The following GALNT17 variants were observed in gnomAD, a reference collection of about 807,000 sequenced individuals.
GALNT17 encodes polypeptide N-acetylgalactosaminyltransferase 17, also known as UDP-GalNAc:polypeptide N-acetylgalactosaminyltransferase-like 3.
A neutral mutation model predicts 63.7 loss-of-function variants in GALNT17; 29 were observed. That is an observed-to-expected ratio of 0.46 (90% CI 0.34 to 0.62). The LOEUF (loss-of-function observed/expected upper bound fraction) is 0.62, where lower values mean the gene tolerates loss of function less well. GALNT17 is among the 20% of genes least tolerant of loss of function. The probability of loss-of-function intolerance (pLI) is 0.01; values close to 1 mark genes in which losing one functional copy is unlikely to be tolerated. For missense variants in GALNT17, 603 were observed against 799.6 expected (o/e 0.75, Z 2.97); for synonymous variants, 305 against 318.3 (o/e 0.96, Z 0.45).
intron 5 of GALNT17, among the ~76,000 whole-genome samples, chr7:71,521,656 C>CA (rs2116753022): frequency 6.6e-6 from 1 of 152,274 alleles, no homozygotes; most frequent in African/African-American, 2.4e-5. Flanking sequence ...CTGGCCTTCT[C>CA]ACGCCCAGGC....
At chr7:71,318,221 G>C (rs1048356757) in intron 1 of GALNT17, among the ~76,000 whole-genome samples, 2 of 152,098 alleles carry the variant, frequency 1.3e-5, no homozygotes, top group African/African-American at 4.8e-5. Context: ...TTTTCAATCA[G>C]GCAGTGGGAC....
At chr7:71,448,955 G>A (rs1212975136) in intron 5 of GALNT17, among the ~76,000 whole-genome samples, 2 of 151,966 alleles carry the variant, frequency 1.3e-5, no homozygotes, top group Non-Finnish European at 2.9e-5. Context: ...TAGGACACTG[G>A]TTATCTTCTA....
chr7:71,655,186 T>C (rs1359443532), intron 6 of GALNT17, among the ~76,000 whole-genome samples: 1 of 152,026 alleles, frequency 6.6e-6, no homozygotes, highest in Non-Finnish European at 1.5e-5. Context: ...GCCCAGGAGT[T>C]TGAGGTTACC....
chr7:71,176,996 G>A (rs112169681), intron 1 of GALNT17, among the ~76,000 whole-genome samples: 1,528 of 152,300 alleles, frequency 0.01, 19 homozygotes, highest in Non-Finnish European at 0.014. Context: ...AGCTGTGAAT[G>A]TAGTTACTAA....
At chr7:71,611,494 C>T (rs144020201) in intron 6 of GALNT17, among the ~76,000 whole-genome samples, 118 of 152,264 alleles carry the variant, frequency 7.7e-4, no homozygotes, top group African/African-American at 2.7e-3. Flanking sequence ...ATAGCTTATA[C>T]GCTTCTGTGC....
chr7:71,281,594 C>T (rs1168869503), intron 1 of GALNT17, among the ~76,000 whole-genome samples: 21 of 152,186 alleles, frequency 1.4e-4, no homozygotes, highest in Non-Finnish European at 2.9e-5. Context: ...TGTAGAAAGG[C>T]ATCATCCCTT....
chr7:71,463,477 C>T (rs1583976448), intron 5 of GALNT17, among the ~76,000 whole-genome samples: 1 of 152,090 alleles, frequency 6.6e-6, no homozygotes, highest in Non-Finnish European at 1.5e-5. Flanking sequence ...GTTCTTGGAT[C>T]TCACGCAAGA....
chr7:71,471,929 A>ATT (rs11300315), intron 5 of GALNT17, among the ~76,000 whole-genome samples: 37 of 137,608 alleles, frequency 2.7e-4, no homozygotes, highest in Admixed American at 5.2e-4. Context: ...TCTGTGTCTC[A>ATT]TTTTTTTTTT....
intron 9 of GALNT17, among the ~76,000 whole-genome samples, chr7:71,677,748 C>A (rs760146118): frequency 6.6e-6 from 1 of 152,022 alleles, no homozygotes; most frequent in African/African-American, 2.4e-5. Context: ...ATCTCCTGAC[C>A]TTGTGATCCG....
intron 5 of GALNT17, among the ~76,000 whole-genome samples, chr7:71,451,110 GTGA>G (rs1787254430): frequency 6.6e-6 from 1 of 151,978 alleles, no homozygotes; most frequent in African/African-American, 2.4e-5. Flanking sequence ...GCCCTGGTGT[GTGA>G]TGTTCCCCTT....
intron 1 of GALNT17, among the ~76,000 whole-genome samples, chr7:71,247,084 T>C (rs547771953): frequency 3.9e-5 from 6 of 152,066 alleles, no homozygotes; most frequent in African/African-American, 1.4e-4. Context: ...CTATTACTGC[T>C]TTTCCTCTGC....
intron 1 of GALNT17, among the ~76,000 whole-genome samples, chr7:71,277,348 G>C (rs999458053): frequency 6.6e-6 from 1 of 152,146 alleles, no homozygotes; most frequent in African/African-American, 2.4e-5. Context: ...TAAAAGGAGG[G>C]AGCGAGGGGC....
chr7:71,589,783 C>T (rs1789771744), intron 6 of GALNT17, among the ~76,000 whole-genome samples: 1 of 152,130 alleles, frequency 6.6e-6, no homozygotes, highest in Admixed American at 6.5e-5. Context: ...ATAGAACAGC[C>T]GGAACTCAAC....
chr7:71,198,566 C>G (rs1789101111), intron 1 of GALNT17, among the ~76,000 whole-genome samples: 1 of 152,204 alleles, frequency 6.6e-6, no homozygotes, highest in South Asian at 2.1e-4. Flanking sequence ...GTGGCCAACA[C>G]CAGCTGACAC....
At chr7:71,679,053 G>A (rs1791196145) in intron 9 of GALNT17, among the ~76,000 whole-genome samples, 1 of 152,130 alleles carries the variant, frequency 6.6e-6, no homozygotes, top group Non-Finnish European at 1.5e-5. Flanking sequence ...TGCCTGTGGG[G>A]AGTAGGAGAT....
At chr7:71,558,383 G>A (rs1370809980) in intron 5 of GALNT17, among the ~76,000 whole-genome samples, 1 of 151,890 alleles carries the variant, frequency 6.6e-6, no homozygotes, top group Non-Finnish European at 1.5e-5. Flanking sequence ...CAGGTGACAT[G>A]TTGCTTTGTT....
chr7:71,693,249 T>C (rs985124919), intron 9 of GALNT17, among the ~76,000 whole-genome samples: 3 of 124,350 alleles, frequency 2.4e-5, no homozygotes, highest in African/African-American at 9.2e-5. Flanking sequence ...CACATATATA[T>C]ACACACACAC....
In GALNT17 at chr7:71,141,389, G is replaced by GA. The variant is rs972512045; in HGVS notation, c.238+8359dup. Among the ~76,000 whole-genome samples the GA allele has an allele frequency of 2.1e-4, 30 of 146,184 alleles. 2 individuals are homozygous for GA. The South Asian group carries it at 2.2e-3, about 11-fold the overall frequency. ...GACTGTCTCAAAAAAAAAAAGAAAAGAAAAAAAAAAGACAGACTGGGTTTG... is the reference window on the plus strand; with the variant it reads ...GACTGTCTCAAAAAAAAAAAGAAAAGAAAAAAAAAAAGACAGACTGGGTTTG... On this transcript the variant is annotated intron_variant, in intron 1 of 10. Coordinates refer to ENST00000333538, the MANE Select transcript of GALNT17 (RefSeq NM_022479.3).
intron 6 of GALNT17, among the ~76,000 whole-genome samples, chr7:71,660,738 T>C: frequency 6.6e-6 from 1 of 152,174 alleles, no homozygotes; most frequent in Non-Finnish European, 1.5e-5. Context: ...GGACTGTTGG[T>C]TTATTGCTAA....
Sources: allele counts gnomAD v4.1 joint callset (sites outside exome capture counted in the v4.1 genomes callset), GRCh38; gene constraint gnomAD v4.1.1; transcripts MANE v1.5; gene names NCBI Gene and HGNC (gene_info 2026-07-23, HGNC 2026-07-21).